The following MCF2L variants were observed in gnomAD, a reference collection of about 807,000 sequenced individuals.
The protein encoded by MCF2L is guanine nucleotide exchange factor DBS.
A neutral mutation model predicts 153.4 loss-of-function variants in MCF2L; 97 were observed. The observed-to-expected ratio is 0.63, with a 90% CI of 0.54 to 0.75. The LOEUF (loss-of-function observed/expected upper bound fraction) is 0.75. MCF2L is among the 30% of genes least tolerant of loss of function. MCF2L has a pLI of 0.00. For missense variants in MCF2L, 1,347 were observed against 1,495.2 expected (o/e 0.90, Z 1.64); for synonymous variants, 659 against 632.2 (o/e 1.04, Z -0.64).
At chr13:112,947,956 G>A (rs2140698275) in intron 2 of MCF2L, among the ~76,000 whole-genome samples, 1 of 152,352 alleles carries the variant, frequency 6.6e-6, no homozygotes, top group Middle Eastern at 3.4e-3. Flanking sequence ...TGCACTCTGT[G>A]TGCCTGCAGA....
intron 3 of MCF2L, among the ~76,000 whole-genome samples, chr13:113,025,808 G>A (rs1162142818): frequency 2.8e-5 from 4 of 143,900 alleles, no homozygotes; most frequent in Admixed American, 6.9e-5. Context: ...TGGGGTCCCC[G>A]TGACTGTGGG....
At chr13:112,992,552 G>A (rs1024131317) in intron 1 of MCF2L, among the ~76,000 whole-genome samples, 4 of 152,238 alleles carry the variant, frequency 2.6e-5, no homozygotes, top group African/African-American at 7.2e-5. Context: ...GTGGCTGCAC[G>A]TCTGTTCCTT....
At chr13:113,036,838 C>T (rs977120481) in intron 3 of MCF2L, among the ~76,000 whole-genome samples, 1 of 152,252 alleles carries the variant, frequency 6.6e-6, no homozygotes, top group Non-Finnish European at 1.5e-5. Context: ...TATTCCTATC[C>T]AGTCCATGGG....
intron 21 of MCF2L, 59 bp from the exon 22 acceptor site, chr13:113,087,176 C>T (rs1455812953): frequency 9.1e-6 from 13 of 1,433,970 alleles, no homozygotes; most frequent in South Asian, 5.0e-5. Context: ...CTCAGCGATG[C>T]GCGTCCATGG....
chr13:113,001,898 C>T (rs1298909490), intron 1 of MCF2L: 5 of 1,588,134 alleles, frequency 3.1e-6, no homozygotes, highest in Non-Finnish European at 4.3e-6. Flanking sequence ...GCTCCTGACT[C>T]GCACTGGGCA....
intron 2 of MCF2L, among the ~76,000 whole-genome samples, chr13:112,911,058 G>A (rs1040730907): frequency 3.3e-5 from 5 of 152,196 alleles, no homozygotes; most frequent in Non-Finnish European, 7.3e-5. Context: ...CTGGGACCTG[G>A]CCGCTCCCCG....
chr13:113,062,178 C>T (rs531952409), intron 5 of MCF2L, among the ~76,000 whole-genome samples: 28 of 152,044 alleles, frequency 1.8e-4, no homozygotes, highest in African/African-American at 6.7e-4. Context: ...TCCCTAGAGA[C>T]GACCAGCGAC....
At chr13:112,923,107 A>G (rs1027521028) in intron 2 of MCF2L, among the ~76,000 whole-genome samples, 2 of 152,092 alleles carry the variant, frequency 1.3e-5, no homozygotes. Flanking sequence ...TATATAAGAC[A>G]CTCAGATTCC....
At chr13:112,935,187 A>G (rs2081502645) in intron 2 of MCF2L, among the ~76,000 whole-genome samples, 1 of 152,236 alleles carries the variant, frequency 6.6e-6, no homozygotes. Flanking sequence ...ACTAGAAACC[A>G]TACCTCACAT....
chr13:112,993,167 G>T lies in MCF2L; in HGVS notation c.80-21596G>T, dbSNP rs1285222289. ...CGGGGCATGGGGAGGCCACAGAGAG[G>T]CTGTACTGACAGAGGCTGGGGGAGG... On this transcript the variant is annotated intron_variant, in intron 1 of 29. Transcript: ENST00000535094. The surrounding 1 kb of genome is among the most constrained non-coding windows in gnomAD (Gnocchi z 4.6). Among the ~76,000 whole-genome samples the T allele has an allele frequency of 6.6e-6, 1 of 152,242 alleles. No individual in the cohort carries two copies. The highest frequency in any genetic ancestry group is 1.5e-5 in the Non-Finnish European group (1 of 68,050).
chr13:112,953,320 G>A (rs571294826), intron 2 of MCF2L, among the ~76,000 whole-genome samples: 1 of 152,304 alleles, frequency 6.6e-6, no homozygotes, highest in South Asian at 2.1e-4. Flanking sequence ...GGTGGGTGGG[G>A]TTGCCTGGCC....
intron 27 of MCF2L, chr13:113,095,146 A>G: frequency 7.7e-7 from 1 of 1,297,432 alleles, no homozygotes; most frequent in Non-Finnish European, 1.0e-6. Context: ...ATTTGAAAAA[A>G]CATTCATTGT....
chr13:112,909,778 T>C (rs2081211899), intron 2 of MCF2L: 1 of 154,832 alleles, frequency 6.5e-6, no homozygotes, highest in Non-Finnish European at 1.4e-5. Context: ...TAGCTGGGAT[T>C]ACAGGCATGC....
chr13:112,930,095 C>T (rs546078460), intron 2 of MCF2L, among the ~76,000 whole-genome samples: 1 of 152,192 alleles, frequency 6.6e-6, no homozygotes, highest in East Asian at 1.9e-4. Flanking sequence ...GGGGAGCTCT[C>T]GTTCACTGGG....
In MCF2L at chr13:113,046,104, A is replaced by C. The variant is rs2086795554; in HGVS notation, c.369+743A>C. 6.3e-6 allele frequency: 1 copy of C among 158,354 alleles called. No individual in the cohort carries two copies. The highest frequency in any genetic ancestry group is 1.4e-5 in the Non-Finnish European group (1 of 72,300). The allele number at this position is 158,354 out of a possible 1,614,324, so 9.8% of individuals were successfully genotyped here. On this transcript the variant is annotated intron_variant, in intron 4 of 29. Coordinates refer to ENST00000535094, the MANE Select transcript of MCF2L (RefSeq NM_001112732.3). This position sits in a 1 kb window ranked among gnomAD's most constrained non-coding sequence, Gnocchi z 4.4. ...CTGTTGGTTTTAACCCAGAGTAATC[A>C]TTTAAGAGGGAAGAGATTAAGTCAG... is the stretch of plus-strand genomic sequence containing the variant.
chr13:112,929,060 G>A (rs2081436137), intron 2 of MCF2L, among the ~76,000 whole-genome samples: 1 of 152,238 alleles, frequency 6.6e-6, no homozygotes, highest in Admixed American at 6.5e-5. Flanking sequence ...GAGGTTCAGA[G>A]TCCTCCTGGC....
chr13:113,047,494 G>A (rs78283571), intron 4 of MCF2L, among the ~76,000 whole-genome samples: 2,389 of 152,352 alleles, frequency 0.016, 54 homozygotes, highest in African/African-American at 0.053. Flanking sequence ...CGTCCTGGGC[G>A]GGTCCCACAA....
At chr13:112,945,825 T>C (rs2081631322) in intron 2 of MCF2L, among the ~76,000 whole-genome samples, 1 of 152,242 alleles carries the variant, frequency 6.6e-6, no homozygotes, top group Admixed American at 6.5e-5. Flanking sequence ...TCATCATAGA[T>C]GTACAAAAGT....
chr13:112,929,866 G>A (rs769238102), intron 2 of MCF2L, among the ~76,000 whole-genome samples: 5 of 152,188 alleles, frequency 3.3e-5, no homozygotes, highest in Non-Finnish European at 5.9e-5. Context: ...CGTTTGTGGC[G>A]ATCCTTTCTT....
Sources: gnomAD v4.1 joint callset for allele counts (sites outside exome capture counted in the v4.1 genomes callset) on GRCh38, gnomAD v4.1.1 for gene constraint, Gnocchi (gnomAD v3.1) non-coding constraint, MANE v1.5 for transcripts, NCBI Gene and HGNC (gene_info 2026-07-23, HGNC 2026-07-21) for gene names.